The following NWD1 variants were observed in gnomAD, a reference collection of about 807,000 sequenced individuals.
NWD1 encodes the protein NACHT domain- and WD repeat-containing protein 1.
A neutral mutation model predicts 135.1 loss-of-function variants in NWD1; 129 were observed. The ratio of observed to expected loss-of-function variants is 0.96; its 90% CI spans 0.83 to 1.11. The LOEUF (loss-of-function observed/expected upper bound fraction) is 1.11. NWD1 is among the 50% of genes least tolerant of loss of function. The pLI is 0.00. For missense variants in NWD1, 1,740 were observed against 1,851.3 expected (o/e 0.94, Z 1.10); for synonymous variants, 773 against 786.0 (o/e 0.98, Z 0.28).
At chr19:16,787,202 C>T (rs973572144) in intron 12 of NWD1, among the ~76,000 whole-genome samples, 3 of 152,056 alleles carry the variant, frequency 2.0e-5, no homozygotes, top group African/African-American at 7.2e-5. Context: ...TCATAGCTCA[C>T]TCCAGCCTCA....
At chr19:16,793,590 T>G (rs1431333535) in intron 14 of NWD1, among the ~76,000 whole-genome samples, 38 of 151,742 alleles carry the variant, frequency 2.5e-4, no homozygotes, top group Admixed American at 2.5e-3. Flanking sequence ...GTTGTTTTTT[T>G]TTTTGAGACT....
intron 16 of NWD1, among the ~76,000 whole-genome samples, chr19:16,798,460 A>C (rs1007292848): frequency 2.0e-5 from 3 of 151,920 alleles, no homozygotes; most frequent in Non-Finnish European, 4.4e-5. Context: ...AAAACACAAA[A>C]ATTAGCCGGG....
chr19:16,739,200 A>G (rs1967979095), intron 4 of NWD1, among the ~76,000 whole-genome samples: 1 of 150,264 alleles, frequency 6.7e-6, no homozygotes, highest in Non-Finnish European at 1.5e-5. Context: ...GAAAAAAAAA[A>G]AGGAGAGAGA....
intron 16 of NWD1, among the ~76,000 whole-genome samples, chr19:16,798,439 A>G (rs1394297167): frequency 6.6e-6 from 1 of 151,942 alleles, no homozygotes; most frequent in African/African-American, 2.4e-5. Context: ...GCAAGACCCA[A>G]TCTCTACAAA....
At position 16,816,313 on chromosome 19, in the gene NWD1, G is replaced by A. The variant is rs1357598548; in HGVS notation, c.*1274G>A. 3 of 152,174 alleles carry A rather than the reference G, an allele frequency of 2.0e-5. No homozygotes were observed. Among genetic ancestry groups the A allele is most frequent in the African/African-American group, 7.2e-5 (3 of 41,444 alleles). The allele number at this position is 152,174 out of a possible 1,614,324, so 9.4% of individuals were successfully genotyped here. On this transcript the variant is annotated 3_prime_UTR_variant, in exon 19 of 19. Coordinates refer to ENST00000524140, the MANE Select transcript of NWD1 (RefSeq NM_001007525.5). ...CCAGACTTTTATGCAAAAATGTTCT[G>A]ACTTTTAAAGTTGGCGATTGGTTGA... is the stretch of plus-strand genomic sequence containing the variant.
intron 4 of NWD1, among the ~76,000 whole-genome samples, chr19:16,740,251 A>G (rs1968025019): frequency 1.3e-5 from 2 of 152,016 alleles, no homozygotes; most frequent in South Asian, 4.2e-4. Context: ...GTGAACTATG[A>G]TTGTACCGTG....
At chr19:16,799,619 G>A (rs1568390421) in intron 16 of NWD1, among the ~76,000 whole-genome samples, 1 of 152,096 alleles carries the variant, frequency 6.6e-6, no homozygotes, top group Non-Finnish European at 1.5e-5. Context: ...CGATTCTCCT[G>A]CCTCAGCCTC....
rs552516881 is a variant in NWD1, at chr19:16,780,619, T to TCTTTC, written c.2731+1170_2731+1174dup. On this transcript the variant is annotated intron_variant, in intron 12 of 18. Transcript: ENST00000524140. Reference sequence around the variant, plus strand: ...AGGCTTTCTGCCTTCTTTTCTTTTCTCTTTCCTTTCCTTTCCTTTCTCTTC... The same window carrying TCTTTC: ...AGGCTTTCTGCCTTCTTTTCTTTTCTCTTTCCTTTCCTTTCCTTTCCTTTCTCTTC... 1.2e-4 allele frequency among the ~76,000 whole-genome samples: 19 copies of TCTTTC among 152,242 alleles called. 1 individual carries two copies. Among genetic ancestry groups the TCTTTC allele is most frequent in the South Asian group, 1.2e-3 (6 of 4,822 alleles).
chr19:16,745,064 C>T lies in NWD1; in HGVS notation c.496+346C>T, dbSNP rs146905478. The T allele has an allele frequency of 5.3e-3, 2,610 of 488,394 alleles. 17 individuals are homozygous for T. The highest frequency in any genetic ancestry group is 7.4e-3 in the Non-Finnish European group (1,853 of 249,788). 30.3% of individuals were successfully genotyped at this position (488,394 alleles called of 1,614,324 possible). ...ACAAAGGAAAGAGGTTTAATGGACT[C>T]ACAATTCCACATGGCTGGGGAGGCC... On this transcript the variant is annotated intron_variant, in intron 5 of 18. Transcript: ENST00000524140.
chr19:16,811,384 G>A (rs374522747), intron 18 of NWD1, among the ~76,000 whole-genome samples: 6 of 152,092 alleles, frequency 3.9e-5, no homozygotes, highest in African/African-American at 1.4e-4. Context: ...AGGAGTTCGA[G>A]ACCAGCCTGA....
At chr19:16,730,980 A>G (rs1461156790) in intron 2 of NWD1, among the ~76,000 whole-genome samples, 1 of 144,962 alleles carries the variant, frequency 6.9e-6, no homozygotes, top group Admixed American at 7.3e-5. Flanking sequence ...GCAGTGGCTC[A>G]CGCCTGTAAT....
intron 13 of NWD1, 75 bp from the exon 14 acceptor site, chr19:16,791,275 C>T: frequency 7.5e-7 from 1 of 1,326,828 alleles, no homozygotes. Context: ...GAGAAGGCAT[C>T]TTGCATTTGA....
chr19:16,782,013 C>T (rs902166142), intron 12 of NWD1, among the ~76,000 whole-genome samples: 3 of 149,364 alleles, frequency 2.0e-5, no homozygotes, highest in Non-Finnish European at 4.4e-5. Flanking sequence ...AGAATGGCAT[C>T]AACCCAGGAG....
At chr19:16,758,045 C>A (rs1398808150) in intron 6 of NWD1, among the ~76,000 whole-genome samples, 1 of 134,010 alleles carries the variant, frequency 7.5e-6, no homozygotes, top group African/African-American at 3.2e-5. Flanking sequence ...GAGTGAGACT[C>A]TGTCTCAAAA....
intron 10 of NWD1, among the ~76,000 whole-genome samples, chr19:16,772,049 C>T (rs1179020045): frequency 6.6e-6 from 1 of 152,002 alleles, no homozygotes; most frequent in Non-Finnish European, 1.5e-5. Flanking sequence ...TCCAATATAT[C>T]CCTCCTCTGA....
intron 2 of NWD1, among the ~76,000 whole-genome samples, chr19:16,727,863 C>T (rs1967390911): frequency 6.6e-6 from 1 of 152,016 alleles, no homozygotes. Flanking sequence ...GAGTTGAAGA[C>T]CAACCTGGGC....
At position 16,798,988 on chromosome 19, in the gene NWD1, A is replaced by G. The variant is rs368888574; in HGVS notation, c.3460-898A>G. 4.6e-5 allele frequency among the ~76,000 whole-genome samples: 7 copies of G among 151,070 alleles called. 1 individual carries two copies. The highest frequency in any genetic ancestry group is 1.9e-4 in the East Asian group (1 of 5,146). On this transcript the variant is annotated intron_variant, in intron 16 of 18. Coordinates refer to ENST00000524140, the MANE Select transcript of NWD1 (RefSeq NM_001007525.5). Reference sequence around the variant, plus strand: ...TTTGAGCTTCCAGACCCTCTAAAAAAGGTTTACAGGGCACCCTCTAAAAAA... The same window carrying G: ...TTTGAGCTTCCAGACCCTCTAAAAAGGGTTTACAGGGCACCCTCTAAAAAA...
intron 1 of NWD1, among the ~76,000 whole-genome samples, chr19:16,721,859 C>A (rs909929652): frequency 6.6e-6 from 1 of 152,062 alleles, no homozygotes; most frequent in African/African-American, 2.4e-5. Flanking sequence ...GCCTCTAATC[C>A]CAGCACTTTG....
intron 16 of NWD1, 110 bp downstream of exon 16, chr19:16,797,996 G>A: frequency 1.0e-6 from 1 of 998,698 alleles, no homozygotes; most frequent in Non-Finnish European, 1.5e-6. Context: ...ATGAGTGCAG[G>A]CAAAATAGGT....
Sources: allele counts gnomAD v4.1 joint callset (sites outside exome capture counted in the v4.1 genomes callset), GRCh38; gene constraint gnomAD v4.1.1; transcripts MANE v1.5; gene names NCBI Gene and HGNC (gene_info 2026-07-23, HGNC 2026-07-21).